Variants in MYO1E observed in about 807,000 individuals in gnomAD.
MYO1E encodes unconventional myosin-Ie.
A neutral mutation model predicts 151.1 loss-of-function variants in MYO1E; 68 were observed. That is an observed-to-expected ratio of 0.45 (90% CI 0.37 to 0.55). The LOEUF (loss-of-function observed/expected upper bound fraction) is 0.55, where lower values mean the gene tolerates loss of function less well. MYO1E is among the 20% of genes least tolerant of loss of function. The probability of loss-of-function intolerance (pLI) is 0.00; values close to 1 mark genes in which losing one functional copy is unlikely to be tolerated. For missense variants in MYO1E, 1,363 were observed against 1,389.3 expected (o/e 0.98, Z 0.30); for synonymous variants, 601 against 501.7 (o/e 1.20, Z -2.64).
chr15:59,182,976 C>T lies in MYO1E; in HGVS notation c.1905-4439G>A, dbSNP rs562125189. 1.2e-4 allele frequency among the ~76,000 whole-genome samples: 19 copies of T among 152,322 alleles called. No individual in the cohort carries two copies. In the South Asian group the frequency reaches 3.1e-3, roughly 25 times the overall value. Reference sequence around the variant, plus strand: ...GAGCGCACAAGCTAGATCCCTCGCACGTGCAGTTCACAATAGGGTTTGTGC... The same window carrying T: ...GAGCGCACAAGCTAGATCCCTCGCATGTGCAGTTCACAATAGGGTTTGTGC... On this transcript the variant is annotated intron_variant, in intron 18 of 27. Coordinates refer to ENST00000288235, the MANE Select transcript of MYO1E (RefSeq NM_004998.4).
rs1276351819 is a variant in MYO1E at position 59,178,401 on chromosome 15, G to A, written c.2041C>T (p.Pro681Ser). The change falls in exon 19 of 28, where the codon CCC becomes TCC. Residue 681 changes from proline to serine, a missense_variant. Coordinates refer to ENST00000288235, the MANE Select transcript of MYO1E (RefSeq NM_004998.4). ...GCCAGCCAAGCACTCACAGACTCGGGGGCTTTGATGAACACTTTACTCCTC... is the reference window on the plus strand; with the variant it reads ...GCCAGCCAAGCACTCACAGACTCGGAGGCTTTGATGAACACTTTACTCCTC... ...LGRSKVFIKA[P>S]ESLFLLEEMR... 7 of 1,614,224 alleles carry A rather than the reference G, an allele frequency of 4.3e-6. No homozygotes were observed. The highest frequency in any genetic ancestry group is 3.3e-5 in the Admixed American group (2 of 60,024).
chr15:59,303,325 G>A (rs1180368767), intron 1 of MYO1E, among the ~76,000 whole-genome samples: 1 of 152,146 alleles, frequency 6.6e-6, no homozygotes, highest in Admixed American at 6.5e-5. Context: ...TGAGATGGGA[G>A]AATCACCTGA....
chr15:59,178,201 G>T (rs1436522804), intron 19 of MYO1E, among the ~76,000 whole-genome samples, 192 bp downstream of exon 19: 2 of 152,350 alleles, frequency 1.3e-5, no homozygotes, highest in East Asian at 3.9e-4. Flanking sequence ...GAACCGGGCA[G>T]TGATGGGCTA....
At chr15:59,304,349 A>T (rs934214812) in intron 1 of MYO1E, among the ~76,000 whole-genome samples, 1 of 152,170 alleles carries the variant, frequency 6.6e-6, no homozygotes, top group African/African-American at 2.4e-5. Context: ...ATAAAGCAAA[A>T]GGCAGGGCTG....
At position 59,233,793 on chromosome 15, in the gene MYO1E, G is replaced by A. The variant is rs571551711; in HGVS notation, c.421-2002C>T. On this transcript the variant is annotated intron_variant, in intron 5 of 27. Coordinates refer to ENST00000288235, the MANE Select transcript of MYO1E (RefSeq NM_004998.4). ...AGTGGACTGAACCACATGAACCTAG[G>A]TTCTATAGCTGCCCTTACTGTCCAA... 2.1e-3 allele frequency among the ~76,000 whole-genome samples: 309 copies of A among 150,348 alleles called. 2 individuals are homozygous for A. Among genetic ancestry groups the A allele is most frequent in the African/African-American group, 7.1e-3 (292 of 40,950 alleles).
intron 26 of MYO1E, among the ~76,000 whole-genome samples, chr15:59,148,422 A>G (rs759212165): frequency 1.3e-5 from 2 of 152,172 alleles, no homozygotes; most frequent in Non-Finnish European, 1.5e-5. Flanking sequence ...AAGCTTTCGA[A>G]TATCACCTCT....
chr15:59,281,555 C>T (rs536521104), intron 1 of MYO1E, among the ~76,000 whole-genome samples: 1 of 152,058 alleles, frequency 6.6e-6, no homozygotes, highest in Non-Finnish European at 1.5e-5. Flanking sequence ...GGATTACAGG[C>T]GTGAGCCACC....
chr15:59,209,392 G>T (rs2079862267), intron 13 of MYO1E, among the ~76,000 whole-genome samples: 1 of 151,990 alleles, frequency 6.6e-6, no homozygotes, highest in African/African-American at 2.4e-5. Flanking sequence ...TAACTAAGTT[G>T]TCTGGCCGGG....
At chr15:59,265,426 T>G (rs2080247475) in intron 2 of MYO1E, among the ~76,000 whole-genome samples, 1 of 152,120 alleles carries the variant, frequency 6.6e-6, no homozygotes, top group Non-Finnish European at 1.5e-5. Flanking sequence ...TAAAGAGATA[T>G]CTCATTAAGT....
intron 4 of MYO1E, among the ~76,000 whole-genome samples, chr15:59,248,486 CAAAAAA>C (rs71119447): frequency 1.8e-4 from 10 of 57,054 alleles, no homozygotes; most frequent in Admixed American, 5.1e-4. Context: ...GACTCCATCT[CAAAAAA>C]AAAAAAAAAA....
chr15:59,259,964 G>T (rs543201971), intron 3 of MYO1E, among the ~76,000 whole-genome samples: 1 of 152,184 alleles, frequency 6.6e-6, no homozygotes, highest in African/African-American at 2.4e-5. Context: ...TTATGACACA[G>T]CCAGCATCCA....
intron 1 of MYO1E, among the ~76,000 whole-genome samples, chr15:59,370,213 C>T (rs1174517018): frequency 6.6e-6 from 1 of 152,214 alleles, no homozygotes; most frequent in Non-Finnish European, 1.5e-5. Context: ...TGAAGGGATA[C>T]AACTTGGGCA....
Position 59,223,082 on chromosome 15 carries a change from T to C in MYO1E, c.887A>G (p.Tyr296Cys), listed in dbSNP as rs766124467. Reference sequence around the variant, plus strand: ...ACACTCTTCACTCTCCACAGCCGCGTAGTTGCCAACTTCTTTGAAGCTGAT... The same window carrying C: ...ACACTCTTCACTCTCCACAGCCGCGCAGTTGCCAACTTCTTTGAAGCTGAT... ...GNISFKEVGN[Y>C]AAVESEEFLA... Residue 296 changes from tyrosine (Y) to cysteine (C), a missense_variant, in exon 9 of 28, where the codon TAC becomes TGC. Tyr to Cys is a radical substitution (Grantham distance 194). Coordinates refer to ENST00000288235, the MANE Select transcript of MYO1E (RefSeq NM_004998.4). 4 of 1,613,998 alleles carry C rather than the reference T, an allele frequency of 2.5e-6. No homozygotes were observed. The highest frequency in any genetic ancestry group is 2.5e-6 in the Non-Finnish European group (3 of 1,180,030).
chr15:59,138,090 T>G, intron 27 of MYO1E, 108 bp downstream of exon 27: 2 of 1,355,956 alleles, frequency 1.5e-6, no homozygotes, highest in Non-Finnish European at 2.1e-6. Flanking sequence ...CTCTACAAAT[T>G]GCAGTTTGAG....
At chr15:59,318,679 G>A (rs1490015415) in intron 1 of MYO1E, among the ~76,000 whole-genome samples, 6 of 152,288 alleles carry the variant, frequency 3.9e-5, no homozygotes, top group African/African-American at 1.4e-4. Flanking sequence ...CCAGAATGTT[G>A]ACTAAAAATA....
rs114005264 is a variant in MYO1E at position 59,165,244 on chromosome 15, C to T, written c.2481-1941G>A. Among the ~76,000 whole-genome samples the T allele has an allele frequency of 4.9e-3, 750 of 152,188 alleles. 7 individuals are homozygous for T. The highest frequency in any genetic ancestry group is 0.017 in the African/African-American group (714 of 41,510). ...TAGGAAGGCGTAGAATGGCAGTACG[C>T]GCAAACCATGGGGGTGGGGCGGGGC... is the stretch of plus-strand genomic sequence containing the variant. On this transcript the variant is annotated intron_variant, in intron 22 of 27. Transcript: ENST00000288235.
chr15:59,150,567 C>G (rs1330317629), intron 26 of MYO1E, among the ~76,000 whole-genome samples: 2 of 152,194 alleles, frequency 1.3e-5, no homozygotes, highest in African/African-American at 2.4e-5. Flanking sequence ...AATACCCTGC[C>G]TACTTTGAGG....
chr15:59,230,199 TGAGA>T (rs147749429), intron 6 of MYO1E, among the ~76,000 whole-genome samples: 6 of 135,012 alleles, frequency 4.4e-5, no homozygotes, highest in South Asian at 5.1e-4. Flanking sequence ...TGGTGAATAG[TGAGA>T]GAGAGAGAGA....
chr15:59,224,907 T>G lies in MYO1E; in HGVS notation c.643-84A>C. The stretch of plus-strand genomic sequence containing the variant: ...TCCTGCATCCTGCAGCCACCATCCC[T>G]AAGGACTTTCTATCTCTGCTTTCTA... On this transcript the variant is annotated intron_variant, in intron 7 of 27. Coordinates refer to ENST00000288235, the MANE Select transcript of MYO1E (RefSeq NM_004998.4). 3 of 1,575,358 alleles carry G rather than the reference T, an allele frequency of 1.9e-6. No homozygotes were observed. In the South Asian group the frequency reaches 3.3e-5, roughly 18 times the overall value.
Sources: gnomAD v4.1 joint callset for allele counts (sites outside exome capture counted in the v4.1 genomes callset) on GRCh38, gnomAD v4.1.1 for gene constraint, MANE v1.5 for transcripts, NCBI Gene and HGNC (gene_info 2026-07-23, HGNC 2026-07-21) for gene names.